The following ABCC4 variants were observed in gnomAD, a reference collection of about 807,000 sequenced individuals.
ABCC4 encodes the protein ATP binding cassette subfamily C member 4 (PEL blood group).
A neutral mutation model predicts 168.5 loss-of-function variants in ABCC4; 102 were observed. The ratio of observed to expected loss-of-function variants is 0.61; its 90% confidence interval spans 0.52 to 0.71. ABCC4 has a LOEUF of 0.71. Among genes scored for constraint, ABCC4 ranks in the 30% least tolerant of loss-of-function variants. The probability of loss-of-function intolerance (pLI) is 0.00; values close to 1 mark genes in which losing one functional copy is unlikely to be tolerated. For synonymous variants in ABCC4, 617 were observed against 590.7 expected (o/e 1.04, Z -0.65); for missense variants, 1,402 against 1,605.8 (o/e 0.87, Z 2.17).
At chr13:95,035,781 C>T (rs555200835) in intron 29 of ABCC4, among the ~76,000 whole-genome samples, 1 of 152,282 alleles carries the variant, frequency 6.6e-6, no homozygotes, top group East Asian at 1.9e-4. Flanking sequence ...GAAAACAGTT[C>T]TGAGGTTAAG....
intron 2 of ABCC4, 37 bp from the exon 3 acceptor site, chr13:95,247,132 C>A (rs1390919727): frequency 6.3e-7 from 1 of 1,597,844 alleles, no homozygotes; most frequent in Non-Finnish European, 8.5e-7. Flanking sequence ...TAAGAGTGAA[C>A]CCTGCCACAA....
At chr13:95,301,131 C>A in intron 1 of ABCC4, 110 bp downstream of exon 1, 1 of 1,059,816 alleles carries the variant, frequency 9.4e-7, no homozygotes, top group South Asian at 1.8e-5. Flanking sequence ...GAAAGCGCTC[C>A]CCTCGCCCCC....
At chr13:95,207,975 C>T in intron 6 of ABCC4, 50 bp from the exon 7 acceptor site, 1 of 1,581,528 alleles carries the variant, frequency 6.3e-7, no homozygotes, top group Non-Finnish European at 8.6e-7. Context: ...ACAGCCTGCC[C>T]TTATCAGCGG....
At chr13:95,248,320 A>G (rs563804608) in intron 1 of ABCC4, among the ~76,000 whole-genome samples, 5 of 152,350 alleles carry the variant, frequency 3.3e-5, no homozygotes, top group African/African-American at 1.2e-4. Flanking sequence ...AAACTCTCAG[A>G]TAAAGAATGA....
At chr13:95,151,554 GAGGAGGAGAAGGAGAAGA>G (rs375708520) in intron 19 of ABCC4, among the ~76,000 whole-genome samples, 42 of 149,728 alleles carry the variant, frequency 2.8e-4, no homozygotes, top group Middle Eastern at 3.4e-3. Context: ...GAAGGAGGAG[GAGGAGGAGAAGGAGAAGA>G]AGGAGGAGGA....
chr13:95,048,868 CTTT>C (rs1031645885), intron 27 of ABCC4, among the ~76,000 whole-genome samples: 1 of 152,096 alleles, frequency 6.6e-6, no homozygotes, highest in Non-Finnish European at 1.5e-5. Context: ...ACTGTGTGAT[CTTT>C]TGACTTTTTT....
chr13:95,183,546 AT>A (rs1566501148), intron 11 of ABCC4, among the ~76,000 whole-genome samples: 2 of 152,198 alleles, frequency 1.3e-5, no homozygotes, highest in African/African-American at 2.4e-5. Context: ...CTTGGAAACC[AT>A]CTCATCCCAT....
At chr13:95,078,392 G>A (rs1278535029) in intron 21 of ABCC4, among the ~76,000 whole-genome samples, 1 of 149,410 alleles carries the variant, frequency 6.7e-6, no homozygotes, top group Admixed American at 6.9e-5. Context: ...CAGCCTGGGT[G>A]ACAGAGCGAG....
At chr13:95,177,599 GGGAGC>G in intron 13 of ABCC4, 103 bp downstream of exon 13, 1 of 795,818 alleles carries the variant, frequency 1.3e-6, no homozygotes, top group Non-Finnish European at 2.0e-6. Context: ...GTGTGGGGAG[GGGAGC>G]GGACACCAGA....
At chr13:95,252,769 G>A (rs148977952) in intron 1 of ABCC4, among the ~76,000 whole-genome samples, 178 of 152,356 alleles carry the variant, frequency 1.2e-3, no homozygotes, top group African/African-American at 4.2e-3. Flanking sequence ...CCACTGAGGT[G>A]AGGGTCTTCA....
chr13:95,244,966 T>A (rs2040069235), intron 3 of ABCC4, among the ~76,000 whole-genome samples: 1 of 151,998 alleles, frequency 6.6e-6, no homozygotes, highest in African/African-American at 2.4e-5. Context: ...CCGGGCCCCT[T>A]CCCACATGCC....
intron 16 of ABCC4, among the ~76,000 whole-genome samples, chr13:95,164,054 A>AAAAAAAAAAAAAGAAAG (rs59935866): frequency 4.3e-5 from 6 of 139,014 alleles, no homozygotes; most frequent in Admixed American, 7.4e-5. Context: ...AAAAAAAAAA[A>AAAAAAAAAAAAAGAAAG]AAAGAAAGAA....
chr13:95,287,105 C>G (rs8002908), intron 1 of ABCC4, among the ~76,000 whole-genome samples: 67,951 of 151,792 alleles, frequency 0.45, 16,770 homozygotes, highest in Non-Finnish European at 0.55. Context: ...TTGAAACCAG[C>G]CTGGGCAACA....
chr13:95,186,666 A>T, intron 11 of ABCC4, 35 bp downstream of exon 11: 1 of 1,588,764 alleles, frequency 6.3e-7, no homozygotes, highest in Non-Finnish European at 8.6e-7. Flanking sequence ...ATTACTGGAC[A>T]TTCGAGTACA....
intron 15 of ABCC4, 108 bp from the exon 16 acceptor site, chr13:95,164,626 A>G (rs2037212554): frequency 8.3e-7 from 1 of 1,198,036 alleles, no homozygotes. Context: ...AGAAGTCCAA[A>G]ATGATCCATC....
At chr13:95,284,495 G>A (rs1386445731) in intron 1 of ABCC4, among the ~76,000 whole-genome samples, 1 of 152,126 alleles carries the variant, frequency 6.6e-6, no homozygotes, top group African/African-American at 2.4e-5. Flanking sequence ...AGCCAACTGA[G>A]CCACTTTGTG....
At chr13:95,254,440 C>T (rs9590220) in intron 1 of ABCC4, among the ~76,000 whole-genome samples, 40,229 of 152,066 alleles carry the variant, frequency 0.26, 6,427 homozygotes, top group East Asian at 0.5. Flanking sequence ...ACTGCTGATT[C>T]AACACCTCCT....
At chr13:95,240,623 T>C (rs1440931436) in intron 3 of ABCC4, among the ~76,000 whole-genome samples, 1 of 152,006 alleles carries the variant, frequency 6.6e-6, no homozygotes, top group Non-Finnish European at 1.5e-5. Context: ...GGTCATGAGT[T>C]GATAGTTACT....
At chr13:95,225,284 C>A (rs776709626) in intron 4 of ABCC4, among the ~76,000 whole-genome samples, 3 of 152,012 alleles carry the variant, frequency 2.0e-5, no homozygotes, top group African/African-American at 7.3e-5. Context: ...TGCAACTTAA[C>A]GCACTTTAGC....
Sources: allele counts gnomAD v4.1 joint callset (sites outside exome capture counted in the v4.1 genomes callset), GRCh38; gene constraint gnomAD v4.1.1; transcripts MANE v1.5; gene names NCBI Gene and HGNC (gene_info 2026-07-23, HGNC 2026-07-21).